Variants in BEND4 observed in about 807,000 individuals in gnomAD.
The protein encoded by BEND4 is BEN domain containing 4.
In BEND4, 27 loss-of-function variants were observed where a neutral mutation model predicts 54.7. That is an observed-to-expected ratio of 0.49 (90% CI 0.36 to 0.68). The LOEUF (loss-of-function observed/expected upper bound fraction) is 0.68. Ranked by LOEUF, BEND4 falls within the 30% of genes least tolerant of loss-of-function variation. The pLI, the probability that BEND4 is intolerant of heterozygous loss-of-function variation, is 0.00. For missense variants in BEND4, 702 were observed against 697.2 expected (o/e 1.01, Z -0.08); for synonymous variants, 327 against 299.5 (o/e 1.09, Z -0.95).
Position 42,152,350 on chromosome 4 carries a change from C to A in BEND4, c.-207G>T. ...GCGCGGGGGGCTGCCGCCCGAGCTC[C>A]TGATTGACAGGCTGCCTCGCCAATG... On this transcript the variant is annotated 5_prime_UTR_variant, in exon 2 of 6. In the 5' UTR this introduces an upstream ATG that the reference lacks. Transcript: ENST00000502486. The A allele has an allele frequency of 2.9e-6, 1 of 344,378 alleles. No individual in the cohort carries two copies. Among genetic ancestry groups the A allele is most frequent in the South Asian group, 1.3e-4 (1 of 7,558 alleles). 21.3% of individuals were successfully genotyped at this position (344,378 alleles called of 1,614,324 possible).
At position 42,123,267 on chromosome 4, in the gene BEND4, A is replaced by G. The variant is rs568314781; in HGVS notation, c.1146+2316T>C. Among the ~76,000 whole-genome samples, 7 of 152,338 alleles carry G rather than the reference A, an allele frequency of 4.6e-5. No individual in the cohort carries two copies. In the East Asian group the frequency reaches 5.8e-4, roughly 13 times the overall value. ...CTGAAATGACAATATAAAGAGTCAT[A>G]ATGATGATGAGTCATAAAGTTTAAG... On this transcript the variant is annotated intron_variant, in intron 4 of 5. Transcript: ENST00000502486.
intron 5 of BEND4, among the ~76,000 whole-genome samples, 172 bp from the exon 6 acceptor site, chr4:42,117,907 T>C (rs1246961181): frequency 6.7e-6 from 1 of 148,304 alleles, no homozygotes; most frequent in Admixed American, 6.6e-5. Flanking sequence ...ATTTATTCCA[T>C]ACAAATTTTC....
intron 2 of BEND4, among the ~76,000 whole-genome samples, chr4:42,149,395 T>C (rs1721184645): frequency 6.6e-6 from 1 of 152,222 alleles, no homozygotes; most frequent in African/African-American, 2.4e-5. Flanking sequence ...TCATGATGTC[T>C]AGTTCTATGG....
At chr4:42,150,541 A>G (rs977969029) in intron 2 of BEND4, among the ~76,000 whole-genome samples, 4 of 152,268 alleles carry the variant, frequency 2.6e-5, no homozygotes, top group Admixed American at 2.0e-4. Flanking sequence ...GGAGAAAAAA[A>G]TAAGTCTCAA....
At position 42,123,703 on chromosome 4, in the gene BEND4, A is replaced by AAACAAAAAAAAAC. The variant is rs1553921987; in HGVS notation, c.1146+1879_1146+1880insGTTTTTTTTTGTT. 9.2e-4 allele frequency among the ~76,000 whole-genome samples: 103 copies of AAACAAAAAAAAAC among 111,928 alleles called. No individual in the cohort carries two copies. The East Asian group carries it at 0.014, about 16-fold the overall frequency. 73.4% of individuals were successfully genotyped at this position (111,928 alleles called of 152,430 possible). A position where few individuals can be genotyped will look rare whatever the true frequency, so the allele number is the denominator to read the frequency against. On this transcript the variant is annotated intron_variant, in intron 4 of 5. Coordinates refer to ENST00000502486, the MANE Select transcript of BEND4 (RefSeq NM_207406.4). Reference sequence around the variant, plus strand: ...TTGGATCTGTAATTCAGAAAAAAAAAAAAAAAAAAAAAAACAACTTTCCAG... The same window carrying AAACAAAAAAAAAC: ...TTGGATCTGTAATTCAGAAAAAAAAAAACAAAAAAAAACAAAAAAAAAAAAAACAACTTTCCAG...
intron 3 of BEND4, among the ~76,000 whole-genome samples, chr4:42,137,027 G>A (rs149688400): frequency 1.3e-5 from 2 of 152,218 alleles, no homozygotes; most frequent in East Asian, 1.9e-4. Context: ...AGAACATAAC[G>A]ATGGTGAATA....
Position 42,117,519 on chromosome 4 carries a change from T to C in BEND4, c.1604A>G (p.Ter535TrpextTer18). 1 of 1,604,828 alleles carries C rather than the reference T, an allele frequency of 6.2e-7. No individual in the cohort carries two copies. The highest frequency in any genetic ancestry group is 2.2e-5 in the East Asian group (1 of 44,744). ...NKSSQDGSGD[*>W] ...GCTACAACAGGAAGATTCTGTCCACTAATCCCCAGATCCATCCTGGGAACT... is the reference window on the plus strand; with the variant it reads ...GCTACAACAGGAAGATTCTGTCCACCAATCCCCAGATCCATCCTGGGAACT... Residue 535 changes from the stop codon to tryptophan, a stop_lost, in exon 6 of 6, where the codon TAG becomes TGG. Transcript: ENST00000502486.
rs1245359691 is a variant in BEND4, at chr4:42,111,426, G to C, written c.*6092C>G. 6.6e-6 allele frequency: 1 copy of C among 152,168 alleles called. No homozygotes were observed. The allele number at this position is 152,168 out of a possible 1,614,324, so 9.4% of individuals were successfully genotyped here. On this transcript the variant is annotated 3_prime_UTR_variant, in exon 6 of 6. Coordinates refer to ENST00000502486, the MANE Select transcript of BEND4 (RefSeq NM_207406.4). ...AGGCTGCTACATGAAGTTCCAGAGA[G>C]GAGAGACATAAAGGCAATGCCTAAA...
intron 3 of BEND4, among the ~76,000 whole-genome samples, chr4:42,138,335 T>C (rs1720765305): frequency 6.6e-6 from 1 of 152,148 alleles, no homozygotes. Context: ...AGAAAAATAT[T>C]GTAAGATTTC....
chr4:42,122,397 A>G (rs1720099199), intron 4 of BEND4, among the ~76,000 whole-genome samples: 1 of 152,208 alleles, frequency 6.6e-6, no homozygotes, highest in Non-Finnish European at 1.5e-5. Context: ...ATTCAATGCC[A>G]GACTCTCAGG....
chr4:42,143,697 A>G lies in BEND4; in HGVS notation c.785T>C (p.Phe262Ser). The G allele has an allele frequency of 6.2e-7, 1 of 1,614,008 alleles. No individual in the cohort carries two copies. The highest frequency in any genetic ancestry group is 8.5e-7 in the Non-Finnish European group (1 of 1,179,904). The part of the protein sequence containing the change: ...SLQNYLLSGS[F>S]PTPNPSSASE... ...GGCTGACGAGGGGTTTGGAGTTGGAAAGCTTCCCGAGAGCAGGTAATTTTG... is the reference window on the plus strand; with the variant it reads ...GGCTGACGAGGGGTTTGGAGTTGGAGAGCTTCCCGAGAGCAGGTAATTTTG... The change falls in exon 3 of 6, where the codon TTT (phenylalanine) becomes TCT (serine). Residue 262 changes from phenylalanine to serine, a missense_variant. Coordinates refer to ENST00000502486, the MANE Select transcript of BEND4 (RefSeq NM_207406.4).
Position 42,132,835 on chromosome 4 carries a change from A to G in BEND4, c.1055-7161T>C, listed in dbSNP as rs562485200. 6.6e-4 allele frequency among the ~76,000 whole-genome samples: 101 copies of G among 152,290 alleles called. 1 individual carries two copies. The highest frequency in any genetic ancestry group is 2.4e-3 in the African/African-American group (98 of 41,564). On this transcript the variant is annotated intron_variant, in intron 3 of 5. Coordinates refer to ENST00000502486, the MANE Select transcript of BEND4 (RefSeq NM_207406.4). ...TTTTACTCATTCATTTGTCCATTCTACAGAACAAAGTCTGATGAATCTAGT... is the reference window on the plus strand; with the variant it reads ...TTTTACTCATTCATTTGTCCATTCTGCAGAACAAAGTCTGATGAATCTAGT...
At position 42,143,981 on chromosome 4, in the gene BEND4, G is replaced by C; in HGVS notation, c.501C>G (p.Ile167Met). Residue 167 changes from isoleucine to methionine, a missense_variant, in exon 3 of 6, where the codon ATC (isoleucine) becomes ATG (methionine). By Grantham distance (10) the Ile-to-Met change is conservative (BLOSUM62 1). Transcript: ENST00000502486. The part of the protein sequence containing the change: ...SLELSAESRM[I>M]LDAFAQQCSR... ...TGCACTGCTGGGCAAAGGCATCCAAGATCATTCGACTCTCTGAAACAAATG... is the reference window on the plus strand; with the variant it reads ...TGCACTGCTGGGCAAAGGCATCCAACATCATTCGACTCTCTGAAACAAATG... 3 of 1,569,668 alleles carry C rather than the reference G, an allele frequency of 1.9e-6. No individual in the cohort carries two copies. The highest frequency in any genetic ancestry group is 2.6e-6 in the Non-Finnish European group (3 of 1,161,544).
intron 2 of BEND4, among the ~76,000 whole-genome samples, chr4:42,147,021 A>G (rs1436846188): frequency 6.6e-6 from 1 of 152,230 alleles, no homozygotes; most frequent in Non-Finnish European, 1.5e-5. Context: ...GTAATATACT[A>G]CATTATGAAG....
At chr4:42,143,370 T>G in intron 3 of BEND4, 58 bp downstream of exon 3, 23 of 1,359,256 alleles carry the variant, frequency 1.7e-5, no homozygotes, top group Middle Eastern at 2.1e-4. Flanking sequence ...CACAGACAGA[T>G]GAGACAAGTG....
chr4:42,127,106 A>G (rs1409186983), intron 3 of BEND4, among the ~76,000 whole-genome samples: 1 of 152,176 alleles, frequency 6.6e-6, no homozygotes, highest in East Asian at 1.9e-4. Context: ...AGGAATTATC[A>G]TTTTATGCAA....
chr4:42,144,129 C>G (rs1445883332), intron 2 of BEND4, 135 bp from the exon 3 acceptor site: 4 of 728,612 alleles, frequency 5.5e-6, no homozygotes, highest in Non-Finnish European at 9.5e-6. Flanking sequence ...CAAGATGACA[C>G]AATAAATCCA....
chr4:42,129,168 T>C (rs527960755), intron 3 of BEND4, among the ~76,000 whole-genome samples: 1 of 152,176 alleles, frequency 6.6e-6, no homozygotes, highest in African/African-American at 2.4e-5. Flanking sequence ...TGAACTCCCA[T>C]TCACAACTGC....
intron 2 of BEND4, among the ~76,000 whole-genome samples, chr4:42,150,239 T>G (rs1225542761): frequency 6.6e-6 from 1 of 151,972 alleles, no homozygotes; most frequent in Non-Finnish European, 1.5e-5. Flanking sequence ...GAAAATCAAG[T>G]GAGCCAACTG....
Sources: allele counts gnomAD v4.1 joint callset (sites outside exome capture counted in the v4.1 genomes callset), GRCh38; gene constraint gnomAD v4.1.1; transcripts MANE v1.5; gene names NCBI Gene and HGNC (gene_info 2026-07-23, HGNC 2026-07-21).